The following CDC42SE2 variants were observed in gnomAD, a reference collection of about 807,000 sequenced individuals.
CDC42SE2 encodes CDC42 small effector 2, also known as CDC42 small effector protein 2.
In CDC42SE2, 3 loss-of-function variants were observed where a neutral mutation model predicts 11.5. That is an observed-to-expected ratio of 0.26 (90% CI 0.12 to 0.67). The LOEUF is 0.67. CDC42SE2 is among the 30% of genes least tolerant of loss of function. CDC42SE2 has a pLI of 0.80. For synonymous variants in CDC42SE2, 33 were observed against 34.8 expected (o/e 0.95, Z 0.18); for missense variants, 82 against 106.8 (o/e 0.77, Z 1.02).
At chr5:131,372,873 A>C (rs1424374413) in intron 3 of CDC42SE2, among the ~76,000 whole-genome samples, 1 of 152,210 alleles carries the variant, frequency 6.6e-6, no homozygotes, top group African/African-American at 2.4e-5. Flanking sequence ...AAATATATTA[A>C]GATAATTTAT....
At position 131,359,560 on chromosome 5, in the gene CDC42SE2, T is replaced by C; in HGVS notation, c.54+13T>C. 2 of 1,600,978 alleles carry C rather than the reference T, an allele frequency of 1.2e-6. No individual in the cohort carries two copies. Among genetic ancestry groups the C allele is most frequent in the Non-Finnish European group, 1.7e-6 (2 of 1,168,070 alleles). On this transcript the variant is annotated intron_variant, in intron 3 of 4. Transcript: ENST00000505065. ...ACAGCCTCAGCCTGTAAGTATGAAG[T>C]ATGTGGACACATCAGGTGGGGTGCT...
intron 3 of CDC42SE2, among the ~76,000 whole-genome samples, chr5:131,385,309 C>CT (rs1287004692): frequency 2.0e-5 from 3 of 152,174 alleles, no homozygotes; most frequent in Non-Finnish European, 1.5e-5. Flanking sequence ...ATGACCAAAG[C>CT]TAGACCAAAT....
chr5:131,317,088 AG>A (rs1308056161), intron 2 of CDC42SE2, among the ~76,000 whole-genome samples: 1 of 152,164 alleles, frequency 6.6e-6, no homozygotes, highest in African/African-American at 2.4e-5. Context: ...ACCAATCCGT[AG>A]AATCTAATAA....
chr5:131,279,920 A>C (rs914285103), intron 1 of CDC42SE2, among the ~76,000 whole-genome samples: 18 of 152,058 alleles, frequency 1.2e-4, no homozygotes, highest in Non-Finnish European at 1.8e-4. Context: ...AAAAAATACA[A>C]AAATTAGCTG....
intron 2 of CDC42SE2, among the ~76,000 whole-genome samples, chr5:131,334,470 T>A (rs1457010843): frequency 1.3e-5 from 2 of 152,200 alleles, no homozygotes; most frequent in Admixed American, 1.3e-4. Context: ...AGGATGATGC[T>A]GGCCTCCCTA....
chr5:131,248,829 C>T (rs1756617066), intron 1 of CDC42SE2, among the ~76,000 whole-genome samples: 1 of 152,044 alleles, frequency 6.6e-6, no homozygotes, highest in African/African-American at 2.4e-5. Flanking sequence ...AAATGGAGAG[C>T]TGTACCTGTG....
chr5:131,261,705 C>T (rs1756727729), upstream of CDC42SE2: 1 of 151,980 alleles, frequency 6.6e-6, no homozygotes, highest in African/African-American at 2.4e-5. Context: ...CAAAAATTAG[C>T]TAGGTGTAGT....
chr5:131,345,972 C>G (rs1000130361), intron 2 of CDC42SE2, among the ~76,000 whole-genome samples: 1 of 152,158 alleles, frequency 6.6e-6, no homozygotes, highest in Non-Finnish European at 1.5e-5. Context: ...CACCACCAGG[C>G]CTCCCTTACA....
intron 3 of CDC42SE2, among the ~76,000 whole-genome samples, chr5:131,368,662 T>C (rs1402105242): frequency 6.6e-6 from 1 of 152,224 alleles, no homozygotes; most frequent in Non-Finnish European, 1.5e-5. Flanking sequence ...TTTTTAAACA[T>C]ATTCAGAAGT....
At chr5:131,376,658 ACT>A (rs1312120612) in intron 3 of CDC42SE2, among the ~76,000 whole-genome samples, 2 of 151,636 alleles carry the variant, frequency 1.3e-5, no homozygotes, top group Non-Finnish European at 2.9e-5. Context: ...CCCACCCTCT[ACT>A]CTCAGATGGG....
intron 3 of CDC42SE2, among the ~76,000 whole-genome samples, chr5:131,367,396 G>A (rs1250076693): frequency 1.3e-5 from 2 of 152,170 alleles, no homozygotes; most frequent in Non-Finnish European, 2.9e-5. Context: ...ATTGTGGGGT[G>A]TGGGCATGAT....
At chr5:131,258,470 C>G (rs1402605472) in intron 2 of CDC42SE2, among the ~76,000 whole-genome samples, 3 of 152,072 alleles carry the variant, frequency 2.0e-5, no homozygotes, top group Non-Finnish European at 2.9e-5. Context: ...CCAAAGGCTC[C>G]CTTCCTCTTA....
rs1209209226 is a variant in CDC42SE2 at position 131,266,237 on chromosome 5, ATATTT to A, written c.-455+2077_-455+2081del. ...ATTTATATATGTTTAAAAAGCAGTA[ATATTT>A]TATTTATTTCAGGAATCCAGACTAA... On this transcript the variant is annotated intron_variant, in intron 1 of 4. Transcript: ENST00000505065. 1.1e-4 allele frequency among the ~76,000 whole-genome samples: 17 copies of A among 152,250 alleles called. No homozygotes were observed. The East Asian group carries it at 1.5e-3, about 14-fold the overall frequency.
rs1750671184 is a variant in CDC42SE2, at chr5:131,392,001, G to GAATCCTGC, written c.*912_*919dup. The stretch of plus-strand genomic sequence containing the variant: ...TGCTCTGAAGAAGATACTGTCAGAC[G>GAATCCTGC]AATCCTGCATTTCCTTCAGCTGGCA... On this transcript the variant is annotated 3_prime_UTR_variant, in exon 5 of 5. Transcript: ENST00000505065. 6.6e-6 allele frequency: 1 copy of GAATCCTGC among 152,310 alleles called. No homozygotes were observed. The highest frequency in any genetic ancestry group is 2.4e-5 in the African/African-American group (1 of 41,434). The allele number at this position is 152,310 out of a possible 1,614,324, so 9.4% of individuals were successfully genotyped here. A position where few individuals can be genotyped will look rare whatever the true frequency, so the allele number is the denominator to read the frequency against.
rs915872736 is a variant in CDC42SE2, at chr5:131,298,171, C to T, written c.-454-17805C>T. 1.4e-4 allele frequency among the ~76,000 whole-genome samples: 21 copies of T among 150,924 alleles called. No individual in the cohort carries two copies. In the East Asian group the frequency reaches 1.8e-3, roughly 13 times the overall value. On this transcript the variant is annotated intron_variant, in intron 1 of 4. Coordinates refer to ENST00000505065, the MANE Select transcript of CDC42SE2 (RefSeq NM_001375635.1). ...AGGCTGGAGTGCAATGGAAAAATCT[C>T]GGCTCAGCGCAACCTCTGCCTCCTG...
the CDC42SE2 span, among the ~76,000 whole-genome samples, chr5:131,217,995 C>A: frequency 6.6e-6 from 1 of 151,830 alleles, no homozygotes; most frequent in Non-Finnish European, 1.5e-5. Flanking sequence ...GGCAACATGG[C>A]GAAACCCTGT....
intron 2 of CDC42SE2, among the ~76,000 whole-genome samples, chr5:131,322,157 A>T (rs560964160): frequency 3.9e-4 from 60 of 152,038 alleles, no homozygotes; most frequent in African/African-American, 7.7e-4. Flanking sequence ...GCAGAAAAAA[A>T]TTTTTTTTAT....
chr5:131,387,765 G>C (rs1393712014), intron 4 of CDC42SE2, among the ~76,000 whole-genome samples: 2 of 152,196 alleles, frequency 1.3e-5, no homozygotes, highest in Admixed American at 6.5e-5. Context: ...ATGCAGGATT[G>C]AGATGGGACT....
intron 1 of CDC42SE2, among the ~76,000 whole-genome samples, chr5:131,254,012 G>C (rs1050638383): frequency 1.3e-5 from 2 of 152,158 alleles, no homozygotes; most frequent in African/African-American, 4.8e-5. Context: ...AGGGCTTTCT[G>C]TTCAGTGGAA....
Sources: gnomAD v4.1 joint callset for allele counts (sites outside exome capture counted in the v4.1 genomes callset) on GRCh38, gnomAD v4.1.1 for gene constraint, MANE v1.5 for transcripts, NCBI Gene and HGNC (gene_info 2026-07-23, HGNC 2026-07-21) for gene names.